Variants in PHLPP2 observed in about 807,000 individuals in gnomAD.
PHLPP2 encodes PH domain leucine-rich repeat-containing protein phosphatase 2.
Under a neutral mutation model 124.9 loss-of-function variants are expected in PHLPP2, and 66 were observed. That is an observed-to-expected ratio of 0.53 (90% CI 0.43 to 0.65). The LOEUF (loss-of-function observed/expected upper bound fraction) is 0.65, where lower values mean the gene tolerates loss of function less well. Ranked by LOEUF, PHLPP2 falls within the 30% of genes least tolerant of loss-of-function variation. The pLI, the probability that PHLPP2 is intolerant of heterozygous loss-of-function variation, is 0.00. For missense variants in PHLPP2, 1,685 were observed against 1,600.4 expected, an observed-to-expected ratio of 1.05 and a Z score of -0.90; for synonymous variants, 681 against 624.7, an observed-to-expected ratio of 1.09 and a Z score of -1.34.
chr16:71,662,411 C>A (rs1045406868), intron 13 of PHLPP2, among the ~76,000 whole-genome samples: 3 of 151,788 alleles, frequency 2.0e-5, no homozygotes, highest in South Asian at 2.1e-4. Flanking sequence ...GCCTGGCCAA[C>A]AGAGCAAGAC....
At chr16:71,716,004 A>C (rs1308754999) in intron 1 of PHLPP2, among the ~76,000 whole-genome samples, 1 of 151,978 alleles carries the variant, frequency 6.6e-6, no homozygotes, top group Non-Finnish European at 1.5e-5. Flanking sequence ...AAAAAAAAAA[A>C]AAACTTTAAT....
At chr16:71,681,359 C>T (rs1180398625) in intron 6 of PHLPP2, among the ~76,000 whole-genome samples, 1 of 152,156 alleles carries the variant, frequency 6.6e-6, no homozygotes, top group African/African-American at 2.4e-5. Context: ...GTGGAAGGTA[C>T]AAAGAGAAGA....
At chr16:71,692,837 TA>T (rs1385229482) in intron 3 of PHLPP2, among the ~76,000 whole-genome samples, 2 of 152,214 alleles carry the variant, frequency 1.3e-5, no homozygotes, top group African/African-American at 4.8e-5. Flanking sequence ...TTTATTTTTT[TA>T]AAATATTTTT....
intron 5 of PHLPP2, among the ~76,000 whole-genome samples, chr16:71,683,733 G>C (rs574606895): frequency 6.6e-6 from 1 of 152,264 alleles, no homozygotes; most frequent in African/African-American, 2.4e-5. Flanking sequence ...AAAAGGCCTA[G>C]AAAGGAAATT....
chr16:71,710,469 G>T (rs1044317377), intron 2 of PHLPP2, among the ~76,000 whole-genome samples: 1 of 152,178 alleles, frequency 6.6e-6, no homozygotes, highest in African/African-American at 2.4e-5. Flanking sequence ...ACCTAGCCTA[G>T]GGAAATCAGC....
At chr16:71,706,128 A>G (rs2045272117) in intron 2 of PHLPP2, among the ~76,000 whole-genome samples, 1 of 152,260 alleles carries the variant, frequency 6.6e-6, no homozygotes, top group Admixed American at 6.5e-5. Flanking sequence ...TCTATTCAGC[A>G]TTTGAACTAT....
At chr16:71,691,173 G>A (rs1352611502) in intron 3 of PHLPP2, among the ~76,000 whole-genome samples, 1 of 152,118 alleles carries the variant, frequency 6.6e-6, no homozygotes, top group Non-Finnish European at 1.5e-5. Flanking sequence ...AAGTAAGATG[G>A]CCAGCTGCAG....
chr16:71,698,258 C>T (rs900853464), intron 3 of PHLPP2, among the ~76,000 whole-genome samples: 8 of 152,188 alleles, frequency 5.3e-5, no homozygotes, highest in Non-Finnish European at 7.3e-5. Flanking sequence ...TGTAACTGAC[C>T]CCGCAGCCAT....
chr16:71,670,695 AACAC>A (rs71153651), intron 10 of PHLPP2, among the ~76,000 whole-genome samples: 2 of 128,936 alleles, frequency 1.6e-5, no homozygotes, highest in African/African-American at 5.9e-5. Context: ...AGAGGCTGAA[AACAC>A]ACACACACAC....
chr16:71,668,288 T>C (rs1320076743), intron 11 of PHLPP2, among the ~76,000 whole-genome samples: 5 of 151,640 alleles, frequency 3.3e-5, no homozygotes, highest in African/African-American at 1.2e-4. Flanking sequence ...TGGCAGCATG[T>C]GCCTGTAGTC....
rs2044674597 is a variant in PHLPP2 at position 71,649,093 on chromosome 16, C to A, written c.3769G>T (p.Val1257Leu). The change falls in exon 19 of 19, where the codon GTG (valine) becomes TTG (leucine). Residue 1257 changes from valine to leucine, a missense_variant. Val to Leu is a conservative substitution (Grantham distance 32, BLOSUM62 1). Coordinates refer to ENST00000568954, the MANE Select transcript of PHLPP2 (RefSeq NM_015020.3). ...PLEDSLNLIE[V>L]ATEVPKRKTG... Reference sequence around the variant, plus strand: ...TTCCTCTTGGGCACTTCTGTGGCCACTTCAATGAGGTTCAGGCTGTCCTCT... The same window carrying A: ...TTCCTCTTGGGCACTTCTGTGGCCAATTCAATGAGGTTCAGGCTGTCCTCT... The A allele has an allele frequency of 6.2e-7, 1 of 1,613,960 alleles. No homozygotes were observed. The highest frequency in any genetic ancestry group is 1.3e-5 in the African/African-American group (1 of 74,904).
chr16:71,665,596 A>G (rs543386643), intron 12 of PHLPP2, among the ~76,000 whole-genome samples: 1 of 152,334 alleles, frequency 6.6e-6, no homozygotes, highest in Non-Finnish European at 1.5e-5. Context: ...ATAACGAATT[A>G]GCTTTTAAGC....
rs775170734 is a variant in PHLPP2 at position 71,669,282 on chromosome 16, G to C, written c.1621C>G (p.Pro541Ala). ...GCATCCAGGCACACATACCTCACGG[G>C]AACCTCTGTGAGAAGATTATAGCTC... ...DVSYNLLTEV[P>A]VRILSSLSLR... Residue 541 changes from proline to alanine, a missense_variant, in exon 11 of 19, where the codon CCC (proline) becomes GCC (alanine). Pro to Ala is a conservative substitution (Grantham distance 27, BLOSUM62 -1). Transcript: ENST00000568954. 1.4e-5 allele frequency: 22 copies of C among 1,604,050 alleles called. No individual in the cohort carries two copies. Among genetic ancestry groups the C allele is most frequent in the Non-Finnish European group, 1.8e-5 (21 of 1,172,216 alleles).
At chr16:71,713,945 C>CTTT (rs35131351) in intron 2 of PHLPP2, among the ~76,000 whole-genome samples, 1 of 140,320 alleles carries the variant, frequency 7.1e-6, no homozygotes, top group African/African-American at 2.6e-5. Context: ...AACAACTTTT[C>CTTT]TTTTTTTTTT....
chr16:71,686,491 T>A (rs865811046), intron 4 of PHLPP2, among the ~76,000 whole-genome samples: 3 of 152,104 alleles, frequency 2.0e-5, no homozygotes, highest in Admixed American at 6.6e-5. Flanking sequence ...GATTTTTTTT[T>A]AATTCACTAA....
chr16:71,718,283 T>C (rs1028842572), intron 1 of PHLPP2, among the ~76,000 whole-genome samples: 2 of 152,036 alleles, frequency 1.3e-5, no homozygotes, highest in African/African-American at 4.8e-5. Flanking sequence ...CTTTACATTA[T>C]CAAAACATAT....
chr16:71,694,446 G>A (rs924884586), intron 3 of PHLPP2, among the ~76,000 whole-genome samples: 1 of 152,102 alleles, frequency 6.6e-6, no homozygotes, highest in Admixed American at 6.5e-5. Flanking sequence ...GGGCAACAGA[G>A]CAAGACTCCG....
rs371285315 is a variant in PHLPP2, at chr16:71,718,683, T to C, written c.-6-3882A>G. 6.7e-4 allele frequency among the ~76,000 whole-genome samples: 101 copies of C among 151,102 alleles called. 1 individual carries two copies. The South Asian group carries it at 0.02, about 30-fold the overall frequency. On this transcript the variant is annotated intron_variant, in intron 1 of 18. Coordinates refer to ENST00000568954, the MANE Select transcript of PHLPP2 (RefSeq NM_015020.3). ...GGGTTCAAGACCAGCCTGGGCAACA[T>C]AGTGAAACCGCGTCTCAAAAAAAAT...
intron 5 of PHLPP2, 38 bp from the exon 6 acceptor site, chr16:71,681,943 A>G (rs568767342): frequency 7.6e-5 from 112 of 1,480,526 alleles, no homozygotes; most frequent in Non-Finnish European, 9.6e-5. Flanking sequence ...CTGAGCTAGT[A>G]CTGGATGTCT....
Sources: allele counts gnomAD v4.1 joint callset (sites outside exome capture counted in the v4.1 genomes callset), GRCh38; gene constraint gnomAD v4.1.1; transcripts MANE v1.5; gene names NCBI Gene and HGNC (gene_info 2026-07-23, HGNC 2026-07-21).